Variants in ACTR3C observed in about 807,000 individuals in gnomAD.
ACTR3C encodes the protein actin related protein 3C, also known as actin-related protein 3C.
ACTR3C carries 18 observed loss-of-function variants against 26.3 expected under a neutral mutation model. The observed-to-expected ratio is 0.68, with a 90% confidence interval of 0.47 to 1.01. The LOEUF (loss-of-function observed/expected upper bound fraction) is 1.01, where lower values mean the gene tolerates loss of function less well. Among genes scored for constraint, ACTR3C ranks in the 50% least tolerant of loss-of-function variants. ACTR3C has a pLI of 0.00. For synonymous variants in ACTR3C, 55 were observed against 94.5 expected, an observed-to-expected ratio of 0.58 and a Z score of 2.42; for missense variants, 184 against 250.7, an observed-to-expected ratio of 0.73 and a Z score of 1.80.
At chr7:150,135,828 A>G in the ACTR3C span, among the ~76,000 whole-genome samples, 1 of 151,378 alleles carries the variant, frequency 6.6e-6, no homozygotes, top group Non-Finnish European at 1.5e-5. Context: ...AAAAGAAAAG[A>G]AAAGAAAGGA....
chr7:149,973,030 C>T, the ACTR3C span, among the ~76,000 whole-genome samples: 7 of 151,918 alleles, frequency 4.6e-5, no homozygotes, highest in African/African-American at 7.3e-5. Flanking sequence ...TCATAGTGAG[C>T]GGGCGGCACA....
the ACTR3C span, among the ~76,000 whole-genome samples, chr7:150,048,964 T>C: frequency 5.0e-3 from 685 of 136,840 alleles, no homozygotes; most frequent in African/African-American, 5.5e-3. Context: ...GCTGTGACCG[T>C]GACTCCATTC....
At chr7:150,256,333 T>C (rs1833220364) in intron 6 of ACTR3C, among the ~76,000 whole-genome samples, 1 of 152,284 alleles carries the variant, frequency 6.6e-6, no homozygotes, top group African/African-American at 2.4e-5. Flanking sequence ...TTTTAAGTTC[T>C]TTGAGAAATC....
At chr7:150,168,312 G>A in the ACTR3C span, among the ~76,000 whole-genome samples, 5 of 150,602 alleles carry the variant, frequency 3.3e-5, 1 homozygote, top group African/African-American at 1.0e-4. Flanking sequence ...CATAGGAGCT[G>A]GAACTCTATT....
intron 6 of ACTR3C, among the ~76,000 whole-genome samples, chr7:150,257,077 T>A (rs1833270073): frequency 6.6e-6 from 1 of 152,156 alleles, no homozygotes; most frequent in Non-Finnish European, 1.5e-5. Flanking sequence ...CTGGGAATAC[T>A]CAGAAAAATC....
At chr7:150,118,022 A>G in the ACTR3C span, among the ~76,000 whole-genome samples, 1 of 152,228 alleles carries the variant, frequency 6.6e-6, no homozygotes, top group Non-Finnish European at 1.5e-5. Flanking sequence ...ACTAACAAAC[A>G]GAAAGGAATA....
At chr7:150,163,660 G>A in the ACTR3C span, among the ~76,000 whole-genome samples, 2 of 151,968 alleles carry the variant, frequency 1.3e-5, no homozygotes, top group African/African-American at 4.8e-5. Context: ...GAAAGCCAGT[G>A]GTATAATTCA....
At chr7:150,066,655 C>T in the ACTR3C span, among the ~76,000 whole-genome samples, 137 of 152,278 alleles carry the variant, frequency 9.0e-4, 1 homozygote, top group Non-Finnish European at 1.5e-3. Context: ...GCATTCACAT[C>T]GTTCACAGTA....
chr7:150,111,909 C>G, the ACTR3C span, among the ~76,000 whole-genome samples: 3 of 152,022 alleles, frequency 2.0e-5, no homozygotes, highest in South Asian at 2.1e-4. Context: ...TGGCCCGCCT[C>G]ACTTCCATAC....
At chr7:150,260,231 T>C (rs1833542857) in intron 6 of ACTR3C, among the ~76,000 whole-genome samples, 1 of 152,220 alleles carries the variant, frequency 6.6e-6, no homozygotes. Flanking sequence ...TAGGAAAGTA[T>C]CTGGCATGTA....
chr7:150,061,390 C>G, the ACTR3C span, among the ~76,000 whole-genome samples: 2 of 152,002 alleles, frequency 1.3e-5, no homozygotes, highest in Non-Finnish European at 2.9e-5. Flanking sequence ...TGTTTTCAAT[C>G]AGAGTTTCAA....
At chr7:150,002,082 C>T in the ACTR3C span, 24 of 152,072 alleles carry the variant, frequency 1.6e-4, no homozygotes, top group Non-Finnish European at 1.0e-4. Context: ...CTGCTGTGCA[C>T]GTCAGAGGTC....
At chr7:150,237,656 G>A in the ACTR3C span, among the ~76,000 whole-genome samples, 17 of 152,246 alleles carry the variant, frequency 1.1e-4, no homozygotes, top group African/African-American at 3.4e-4. Flanking sequence ...TGGAATCCAC[G>A]GCAGCATTTG....
the ACTR3C span, among the ~76,000 whole-genome samples, chr7:150,125,158 G>A: frequency 2.0e-5 from 3 of 151,234 alleles, no homozygotes; most frequent in Non-Finnish European, 4.4e-5. Flanking sequence ...TTAAGCCAAA[G>A]TAATAACGTT....
the ACTR3C span, among the ~76,000 whole-genome samples, chr7:149,884,361 C>T: frequency 6.6e-6 from 1 of 152,058 alleles, no homozygotes; most frequent in Non-Finnish European, 1.5e-5. Flanking sequence ...AAATGTTGGT[C>T]AAAAGATAGA....
At chr7:150,102,016 C>T in the ACTR3C span, among the ~76,000 whole-genome samples, 2 of 151,620 alleles carry the variant, frequency 1.3e-5, no homozygotes, top group Admixed American at 6.6e-5. Flanking sequence ...ACTATAAATA[C>T]CATGAAGAAA....
the ACTR3C span, among the ~76,000 whole-genome samples, chr7:150,210,293 C>T: frequency 6.7e-6 from 1 of 150,060 alleles, no homozygotes; most frequent in Middle Eastern, 3.4e-3. Context: ...TCTAAAATGA[C>T]TCTGGAAAAT....
chr7:150,078,093 T>C, the ACTR3C span, among the ~76,000 whole-genome samples: 1 of 152,338 alleles, frequency 6.6e-6, no homozygotes, highest in East Asian at 1.9e-4. Context: ...CATGCATCTT[T>C]CAATCACATA....
intron 6 of ACTR3C, among the ~76,000 whole-genome samples, chr7:150,283,967 C>T (rs952557422): frequency 2.6e-5 from 4 of 151,318 alleles, no homozygotes; most frequent in South Asian, 4.2e-4. Context: ...AGATTTTCCT[C>T]ATTCCAGGTT....
Sources: allele counts gnomAD v4.1 joint callset (sites outside exome capture counted in the v4.1 genomes callset), GRCh38; gene constraint gnomAD v4.1.1; transcripts MANE v1.5; gene names NCBI Gene and HGNC (gene_info 2026-07-23, HGNC 2026-07-21).